The following EYS variants were observed in gnomAD, a reference collection of about 807,000 sequenced individuals.
EYS encodes protein eyes shut homolog.
A neutral mutation model predicts 282.1 loss-of-function variants in EYS; 250 were observed. That is an observed-to-expected ratio of 0.89 (90% CI 0.80 to 0.98). EYS has a LOEUF of 0.98. EYS is among the 50% of genes least tolerant of loss of function. The pLI is 0.00. For missense variants in EYS, 4,016 were observed against 3,709.0 expected, an observed-to-expected ratio of 1.08 and a Z score of -2.15; for synonymous variants, 1,355 against 1,282.9, an observed-to-expected ratio of 1.06 and a Z score of -1.20.
At chr6:63,950,097 G>A (rs1031376758) in intron 35 of EYS, among the ~76,000 whole-genome samples, 5 of 151,832 alleles carry the variant, frequency 3.3e-5, no homozygotes, top group East Asian at 1.9e-4. Flanking sequence ...GCTTGAACCC[G>A]GGAGGTGGAG....
intron 12 of EYS, among the ~76,000 whole-genome samples, chr6:65,077,385 G>A (rs886882976): frequency 6.6e-6 from 1 of 152,030 alleles, no homozygotes. Flanking sequence ...CAATGTTATT[G>A]GTTGCATTAA....
chr6:65,006,811 A>G (rs1771680097), intron 13 of EYS, among the ~76,000 whole-genome samples: 1 of 152,194 alleles, frequency 6.6e-6, no homozygotes, highest in Non-Finnish European at 1.5e-5. Flanking sequence ...TTGCCTAATA[A>G]TTGGTCTCCT....
At chr6:65,421,814 C>T (rs1164398726) in intron 5 of EYS, among the ~76,000 whole-genome samples, 2 of 151,702 alleles carry the variant, frequency 1.3e-5, no homozygotes, top group African/African-American at 2.4e-5. Context: ...GAAAGCAGAA[C>T]GGTCAGTTGG....
At chr6:65,201,814 T>C (rs1765908902) in intron 12 of EYS, among the ~76,000 whole-genome samples, 1 of 150,350 alleles carries the variant, frequency 6.7e-6, no homozygotes, top group South Asian at 2.1e-4. Flanking sequence ...AAAATGATTT[T>C]GTGTGTGTGT....
chr6:65,194,705 G>A (rs1201274478), intron 12 of EYS, among the ~76,000 whole-genome samples: 1 of 151,934 alleles, frequency 6.6e-6, no homozygotes, highest in African/African-American at 2.4e-5. Context: ...GAACAGCGAA[G>A]CAAGCAGAAG....
chr6:64,518,787 C>A (rs189437662), intron 26 of EYS, among the ~76,000 whole-genome samples: 84 of 151,114 alleles, frequency 5.6e-4, no homozygotes, highest in African/African-American at 1.7e-3. Flanking sequence ...GGGGCCCCCC[C>A]CTTCTCAGGG....
intron 14 of EYS, among the ~76,000 whole-genome samples, chr6:64,964,142 T>C (rs2150107675): frequency 6.6e-6 from 1 of 152,090 alleles, no homozygotes; most frequent in Admixed American, 6.5e-5. Context: ...TATTTGAAAA[T>C]AAGATCTATA....
intron 31 of EYS, among the ~76,000 whole-genome samples, chr6:64,107,847 ATCTTTTGG>A (rs1773084046): frequency 6.6e-6 from 1 of 152,036 alleles, no homozygotes; most frequent in South Asian, 2.1e-4. Flanking sequence ...TTAGGCCTCA[ATCTTTTGG>A]ATAGCCGGTG....
intron 2 of EYS, among the ~76,000 whole-genome samples, chr6:65,608,370 T>C (rs1765875996): frequency 6.6e-6 from 1 of 151,970 alleles, no homozygotes; most frequent in Admixed American, 6.6e-5. Flanking sequence ...TTGCCACAAA[T>C]AGAATTTGCA....
chr6:64,497,184 T>C (rs1370373014), intron 26 of EYS, among the ~76,000 whole-genome samples: 4 of 152,128 alleles, frequency 2.6e-5, no homozygotes, highest in Non-Finnish European at 5.9e-5. Flanking sequence ...TTCTACAAAG[T>C]TATTCTACTT....
chr6:64,528,249 C>A (rs558561866), intron 26 of EYS, among the ~76,000 whole-genome samples: 1 of 151,900 alleles, frequency 6.6e-6, no homozygotes, highest in South Asian at 2.1e-4. Flanking sequence ...TTTATTCCTC[C>A]CAGAATCTCC....
At position 65,365,816 on chromosome 6, in the gene EYS, G is replaced by C. The variant is rs992926900; in HGVS notation, c.1300-12199C>G. Among the ~76,000 whole-genome samples the C allele has an allele frequency of 8.8e-4, 133 of 151,642 alleles. 1 individual carries two copies. The highest frequency in any genetic ancestry group is 3.1e-3 in the African/African-American group (129 of 41,378). The stretch of plus-strand genomic sequence containing the variant: ...AGTCCATGGGCCTCTTGTAATACCC[G>C]TGATTACATCTGCAATCAGAATGTT... On this transcript the variant is annotated intron_variant, in intron 8 of 42. Coordinates refer to ENST00000503581, the MANE Select transcript of EYS (RefSeq NM_001142800.2).
At chr6:64,685,654 A>G (rs77329862) in intron 22 of EYS, among the ~76,000 whole-genome samples, 4,358 of 152,234 alleles carry the variant, frequency 0.029, 130 homozygotes, top group East Asian at 0.14. Context: ...CTAGAAGTTC[A>G]AGCTTCCAGC....
chr6:65,004,062 T>C (rs1313364780), intron 13 of EYS, among the ~76,000 whole-genome samples: 1 of 147,190 alleles, frequency 6.8e-6, no homozygotes, highest in Admixed American at 6.8e-5. Flanking sequence ...TAAATTTCAG[T>C]AGGAAGAAGT....
chr6:64,318,742 G>A (rs1351204795), intron 29 of EYS, among the ~76,000 whole-genome samples: 1 of 151,154 alleles, frequency 6.6e-6, no homozygotes, highest in Non-Finnish European at 1.5e-5. Flanking sequence ...TTTTGTATGT[G>A]TGTGATTTTT....
At chr6:64,593,664 C>G (rs1039236429) in intron 24 of EYS, among the ~76,000 whole-genome samples, 1 of 152,116 alleles carries the variant, frequency 6.6e-6, no homozygotes, top group African/African-American at 2.4e-5. Context: ...AATTATAAAA[C>G]TTTTCTGCTC....
chr6:64,552,846 G>T (rs1357378754), intron 26 of EYS, among the ~76,000 whole-genome samples: 1 of 151,808 alleles, frequency 6.6e-6, no homozygotes, highest in East Asian at 1.9e-4. Context: ...TTGAACTGGG[G>T]AGGCAGAGGT....
intron 19 of EYS, among the ~76,000 whole-genome samples, chr6:64,864,717 T>C (rs1320507889): frequency 1.3e-5 from 2 of 151,396 alleles, no homozygotes; most frequent in Non-Finnish European, 2.9e-5. Context: ...TCATCTGAGA[T>C]TGAGAATTTT....
At chr6:63,939,196 C>A (rs1765160611) in intron 35 of EYS, among the ~76,000 whole-genome samples, 2 of 151,502 alleles carry the variant, frequency 1.3e-5, no homozygotes, top group African/African-American at 4.9e-5. Flanking sequence ...ATTTCAAAAG[C>A]CTTTTCAAGC....
Sources: gnomAD v4.1 joint callset for allele counts (sites outside exome capture counted in the v4.1 genomes callset) on GRCh38, gnomAD v4.1.1 for gene constraint, MANE v1.5 for transcripts, NCBI Gene and HGNC (gene_info 2026-07-23, HGNC 2026-07-21) for gene names.